The following DPYD variants were observed in gnomAD, a reference collection of about 807,000 sequenced individuals.
DPYD encodes the protein dihydropyrimidine dehydrogenase [NADP(+)].
DPYD carries 109 observed loss-of-function variants against 116.2 expected under a neutral mutation model. The observed-to-expected ratio is 0.94, with a 90% CI of 0.80 to 1.10. The LOEUF is 1.10. Among genes scored for constraint, DPYD ranks in the 50% least tolerant of loss-of-function variants. DPYD has a pLI of 0.00. For missense variants in DPYD, 1,302 were observed against 1,254.5 expected (o/e 1.04, Z -0.57); for synonymous variants, 440 against 432.0 (o/e 1.02, Z -0.23).
intron 1 of DPYD, among the ~76,000 whole-genome samples, chr1:97,893,522 C>A (rs1183372510): frequency 1.4e-5 from 2 of 140,688 alleles, no homozygotes; most frequent in Admixed American, 1.5e-4. Flanking sequence ...GTCTTTGGTC[C>A]CAACATGTTT....
At chr1:97,824,289 G>A (rs1333967367) in intron 3 of DPYD, among the ~76,000 whole-genome samples, 2 of 152,046 alleles carry the variant, frequency 1.3e-5, no homozygotes, top group African/African-American at 4.8e-5. Flanking sequence ...AGTTTTCTAA[G>A]AAAGTAAGTG....
chr1:97,654,190 A>T (rs552595763), intron 8 of DPYD, among the ~76,000 whole-genome samples: 2 of 152,304 alleles, frequency 1.3e-5, no homozygotes, highest in East Asian at 3.9e-4. Flanking sequence ...CTGCTTCCAT[A>T]ACGCATTTGA....
chr1:97,145,641 T>A (rs1654561805), intron 20 of DPYD, among the ~76,000 whole-genome samples: 1 of 152,044 alleles, frequency 6.6e-6, no homozygotes, highest in Non-Finnish European at 1.5e-5. Flanking sequence ...TTACTCTGCA[T>A]CTGCCAGTCA....
chr1:97,531,970 C>T (rs1210340230), intron 12 of DPYD, among the ~76,000 whole-genome samples: 5 of 151,936 alleles, frequency 3.3e-5, no homozygotes, highest in Non-Finnish European at 7.4e-5. Context: ...GATTTGAATC[C>T]TGCAACTTTA....
intron 15 of DPYD, among the ~76,000 whole-genome samples, chr1:97,375,027 T>TC (rs1173619810): frequency 3.1e-4 from 16 of 52,030 alleles, no homozygotes; most frequent in Non-Finnish European, 6.5e-4. Flanking sequence ...AGACTCCAGT[T>TC]CCAAAAAAAA....
intron 10 of DPYD, among the ~76,000 whole-genome samples, chr1:97,588,020 T>C (rs1365827806): frequency 6.6e-6 from 1 of 152,116 alleles, no homozygotes; most frequent in African/African-American, 2.4e-5. Context: ...AAAAGGCACA[T>C]TCTTTTAAAT....
chr1:97,792,449 C>T (rs1667369233), intron 3 of DPYD, among the ~76,000 whole-genome samples: 1 of 151,986 alleles, frequency 6.6e-6, no homozygotes, highest in Non-Finnish European at 1.5e-5. Context: ...GGGGTTTCAC[C>T]ATGTTGGTCA....
chr1:97,181,810 G>A (rs186272277), intron 20 of DPYD, among the ~76,000 whole-genome samples: 2 of 152,156 alleles, frequency 1.3e-5, no homozygotes, highest in East Asian at 3.9e-4. Flanking sequence ...TCCATGTTAC[G>A]AATAGTTATA....
At chr1:97,354,558 G>A (rs1670323958) in intron 16 of DPYD, among the ~76,000 whole-genome samples, 1 of 152,130 alleles carries the variant, frequency 6.6e-6, no homozygotes, top group African/African-American at 2.4e-5. Flanking sequence ...ATTTAGGTTG[G>A]AGAAATCAGA....
intron 20 of DPYD, among the ~76,000 whole-genome samples, chr1:97,130,853 TCC>T (rs1653273877): frequency 7.7e-6 from 1 of 130,360 alleles, no homozygotes; most frequent in Non-Finnish European, 1.6e-5. Context: ...CTTCCTTCCT[TCC>T]TTCCTTCCTT....
chr1:97,492,800 G>A (rs895580989), intron 13 of DPYD, among the ~76,000 whole-genome samples: 6 of 150,870 alleles, frequency 4.0e-5, no homozygotes, highest in African/African-American at 1.5e-4. Flanking sequence ...CAGGCTTTTG[G>A]GTATCAAATT....
intron 13 of DPYD, among the ~76,000 whole-genome samples, chr1:97,495,800 T>A (rs1679229051): frequency 6.6e-6 from 1 of 152,126 alleles, no homozygotes; most frequent in African/African-American, 2.4e-5. Context: ...CCTTTCTATG[T>A]TAGTTTTAGA....
chr1:97,291,250 T>C (rs1666143072), intron 18 of DPYD, among the ~76,000 whole-genome samples: 1 of 151,944 alleles, frequency 6.6e-6, no homozygotes, highest in Non-Finnish European at 1.5e-5. Context: ...GACTGTAAAC[T>C]AGTTCAACCA....
intron 19 of DPYD, among the ~76,000 whole-genome samples, chr1:97,199,934 T>C (rs1174191827): frequency 1.3e-5 from 2 of 152,060 alleles, no homozygotes; most frequent in Non-Finnish European, 2.9e-5. Context: ...AAATGGGAAG[T>C]TTTGCCTATT....
At chr1:97,155,408 C>A (rs1168961480) in intron 20 of DPYD, among the ~76,000 whole-genome samples, 1 of 152,068 alleles carries the variant, frequency 6.6e-6, no homozygotes, top group Non-Finnish European at 1.5e-5. Context: ...GCTTTTGTGT[C>A]CAAATATTCT....
chr1:97,755,338 T>C (rs2101111396), intron 3 of DPYD, among the ~76,000 whole-genome samples: 1 of 152,300 alleles, frequency 6.6e-6, no homozygotes, highest in Admixed American at 6.5e-5. Context: ...GCCAGTGGGA[T>C]GCCCCCATTA....
intron 18 of DPYD, among the ~76,000 whole-genome samples, chr1:97,250,381 C>A (rs1166527527): frequency 1.3e-5 from 2 of 152,174 alleles, no homozygotes; most frequent in Non-Finnish European, 2.9e-5. Flanking sequence ...CCAGCAATTT[C>A]TTTCCTAGAT....
intron 3 of DPYD, among the ~76,000 whole-genome samples, chr1:97,827,316 T>A (rs935924672): frequency 1.3e-5 from 2 of 152,098 alleles, no homozygotes; most frequent in African/African-American, 4.8e-5. Flanking sequence ...TAAATATAAA[T>A]ACACTTTCTT....
At chr1:97,235,038 T>C in intron 18 of DPYD, 44 bp from the exon 19 acceptor site, 1 of 1,610,150 alleles carries the variant, frequency 6.2e-7, no homozygotes, top group South Asian at 1.1e-5. Context: ...ACTGACCACT[T>C]GAGTATACTG....
Sources: allele counts gnomAD v4.1 joint callset (sites outside exome capture counted in the v4.1 genomes callset), GRCh38; gene constraint gnomAD v4.1.1; transcripts MANE v1.5; gene names NCBI Gene and HGNC (gene_info 2026-07-23, HGNC 2026-07-21).